TIGD2: variants seen among roughly 807,000 people sequenced by gnomAD.
TIGD2 encodes tigger transposable element derived 2.
In TIGD2, 14 loss-of-function variants were observed where a neutral mutation model predicts 27.0. That is an observed-to-expected ratio of 0.52 (90% CI 0.34 to 0.81). The LOEUF (loss-of-function observed/expected upper bound fraction) is 0.81, where lower values mean the gene tolerates loss of function less well. Among genes scored for constraint, TIGD2 ranks in the 30% least tolerant of loss-of-function variants. The pLI, the probability that TIGD2 is intolerant of heterozygous loss-of-function variation, is 0.01. For synonymous variants in TIGD2, 201 were observed against 209.0 expected (o/e 0.96, Z 0.33); for missense variants, 590 against 617.3 (o/e 0.96, Z 0.47).
In TIGD2 at chr4:89,112,886, T is replaced by C. The variant is rs1270305538; in HGVS notation, c.-89T>C. On this transcript the variant is annotated 5_prime_UTR_variant, in exon 2 of 2. Coordinates refer to ENST00000603357, the MANE Select transcript of TIGD2 (RefSeq NM_145715.3). ...GCCCTAGAAGTGAGAGGAGGAATCT[T>C]ACGAACTCATTTTCTAGTTGCTTTG... 1.7e-6 allele frequency: 2 copies of C among 1,198,198 alleles called. No individual in the cohort carries two copies. Among genetic ancestry groups the C allele is most frequent in the Non-Finnish European group, 2.3e-6 (2 of 853,480 alleles). 74.2% of individuals were successfully genotyped at this position (1,198,198 alleles called of 1,614,324 possible). A position where few individuals can be genotyped will look rare whatever the true frequency, so the allele number is the denominator to read the frequency against.
In TIGD2 at chr4:89,113,732, A is replaced by T; in HGVS notation, c.758A>T (p.Lys253Ile). 1 of 1,614,242 alleles carries T rather than the reference A, an allele frequency of 6.2e-7. No homozygotes were observed. Reference sequence around the variant, plus strand: ...CTTCCTGTGACATATTACAGTCAAAAAGGTGCATGGATAGAACAGTCTGTT... The same window carrying T: ...CTTCCTGTGACATATTACAGTCAAATAGGTGCATGGATAGAACAGTCTGTT... ...SNLPVTYYSQ[K>I]GAWIEQSVFR... Residue 253 changes from lysine to isoleucine, a missense_variant, in exon 2 of 2, where the codon AAA (lysine) becomes ATA (isoleucine). By Grantham distance (102) the Lys-to-Ile change is moderately radical (BLOSUM62 -3). This residue lies in a region of TIGD2 where 451 missense variants were observed against 448.0 expected (regional missense o/e 1.01). Transcript: ENST00000603357.
Position 89,112,971 on chromosome 4 carries a change from T to C in TIGD2, c.-4T>C. 6.4e-7 allele frequency: 1 copy of C among 1,553,078 alleles called. No homozygotes were observed. The highest frequency in any genetic ancestry group is 8.7e-7 in the Non-Finnish European group (1 of 1,153,512). On this transcript the variant is annotated 5_prime_UTR_variant, in exon 2 of 2. Coordinates refer to ENST00000603357, the MANE Select transcript of TIGD2 (RefSeq NM_145715.3). ...GTAATCACCTAAAATATTAGACACT[T>C]AAAATGTTGGGGAAACGTAAGCGTG...
rs757441263 is a variant in TIGD2 at position 89,114,276 on chromosome 4, T to TC, written c.1303dup (p.Arg435ProfsTer4). ...AGAATATTGATCAGTGGTTCGACTC[T>TC]CGGAGCAGTGACTCAAGCTGTCAGG... is the stretch of plus-strand genomic sequence containing the variant. On this transcript the variant is annotated frameshift_variant, in exon 2 of 2. Transcript: ENST00000603357. LOFTEE classifies it high-confidence loss of function. 6.2e-7 allele frequency: 1 copy of TC among 1,614,096 alleles called. No homozygotes were observed.
Position 89,114,666 on chromosome 4 carries a change from G to T in TIGD2, c.*114G>T. 2 of 1,107,954 alleles carry T rather than the reference G, an allele frequency of 1.8e-6. No individual in the cohort carries two copies. The highest frequency in any genetic ancestry group is 1.6e-5 in the African/African-American group (1 of 63,366). 68.6% of individuals were successfully genotyped at this position (1,107,954 alleles called of 1,614,324 possible). On this transcript the variant is annotated 3_prime_UTR_variant, in exon 2 of 2. Coordinates refer to ENST00000603357, the MANE Select transcript of TIGD2 (RefSeq NM_145715.3). ...CCAAATACATTTTATAAATGATTTT[G>T]GAATTAGATGTCAGTTTGGATTACT... is the stretch of plus-strand genomic sequence containing the variant.
Position 89,113,498 on chromosome 4 carries a change from G to T in TIGD2, c.524G>T (p.Gly175Val), listed in dbSNP as rs1342357726. Residue 175 changes from glycine to valine, a missense_variant, in exon 2 of 2, where the codon GGT (glycine) becomes GTT (valine). By Grantham distance (109) the Gly-to-Val change is moderately radical. This residue lies in a region of TIGD2 where 451 missense variants were observed against 448.0 expected (regional missense o/e 1.01). Coordinates refer to ENST00000603357, the MANE Select transcript of TIGD2 (RefSeq NM_145715.3). ...KENLQPEQIYGADQTGLFWKC... is the reference protein window; with the variant it reads ...KENLQPEQIYVADQTGLFWKC... Reference sequence around the variant, plus strand: ...AATCTACAACCAGAGCAAATTTATGGTGCTGATCAAACTGGATTGTTTTGG... The same window carrying T: ...AATCTACAACCAGAGCAAATTTATGTTGCTGATCAAACTGGATTGTTTTGG... 1 of 1,613,954 alleles carries T rather than the reference G, an allele frequency of 6.2e-7. No individual in the cohort carries two copies. Among genetic ancestry groups the T allele is most frequent in the South Asian group, 1.1e-5 (1 of 91,076 alleles).
chr4:89,112,856 T>G lies in TIGD2; in HGVS notation c.-119T>G. On this transcript the variant is annotated 5_prime_UTR_variant, in exon 2 of 2. Coordinates refer to ENST00000603357, the MANE Select transcript of TIGD2 (RefSeq NM_145715.3). Reference sequence around the variant, plus strand: ...TTGTCAGGAAATTGGTCACTATCCATCTAGGCCCTAGAAGTGAGAGGAGGA... The same window carrying G: ...TTGTCAGGAAATTGGTCACTATCCAGCTAGGCCCTAGAAGTGAGAGGAGGA... The G allele has an allele frequency of 1.2e-6, 1 of 868,318 alleles. No individual in the cohort carries two copies. The allele number at this position is 868,318 out of a possible 1,614,324, so 53.8% of individuals were successfully genotyped here. A position where few individuals can be genotyped will look rare whatever the true frequency, so the allele number is the denominator to read the frequency against.
Position 89,112,948 on chromosome 4 carries a change from A to C in TIGD2, c.-27A>C, listed in dbSNP as rs1421146693. 6.6e-7 allele frequency: 1 copy of C among 1,506,514 alleles called. No homozygotes were observed. Among genetic ancestry groups the C allele is most frequent in the Non-Finnish European group, 8.9e-7 (1 of 1,121,944 alleles). 93.3% of individuals were successfully genotyped at this position (1,506,514 alleles called of 1,614,324 possible). ...TAGTTGTTAATTATCTTGTTCTAGT[A>C]ATCACCTAAAATATTAGACACTTAA... is the stretch of plus-strand genomic sequence containing the variant. On this transcript the variant is annotated 5_prime_UTR_variant, in exon 2 of 2. Coordinates refer to ENST00000603357, the MANE Select transcript of TIGD2 (RefSeq NM_145715.3).
Position 89,114,577 on chromosome 4 carries a change from A to G in TIGD2, c.*25A>G. 6.5e-7 allele frequency: 1 copy of G among 1,541,150 alleles called. No homozygotes were observed. The highest frequency in any genetic ancestry group is 8.8e-7 in the Non-Finnish European group (1 of 1,142,310). ...ATAAGGCTCTTAAGTATTTCAGTGT[A>G]TCTGCATCTTTGTGACTATCTGCAG... On this transcript the variant is annotated 3_prime_UTR_variant, in exon 2 of 2. Transcript: ENST00000603357.
At position 89,113,795 on chromosome 4, in the gene TIGD2, T is replaced by A. The variant is rs1269495927; in HGVS notation, c.821T>A (p.Val274Glu). ...QWFEKYFVPQ[V>E]QKHLKSKGLL... ...TTTGAAAAGTACTTTGTGCCACAGG[T>A]ACAGAAGCATTTGAAATCCAAGGGA... Residue 274 changes from valine to glutamate, a missense_variant, in exon 2 of 2, where the codon GTA becomes GAA. By Grantham distance (121) the Val-to-Glu change is moderately radical (BLOSUM62 -2). This residue lies in a region of TIGD2 where 451 missense variants were observed against 448.0 expected (regional missense o/e 1.01). Transcript: ENST00000603357. 2 of 1,614,180 alleles carry A rather than the reference T, an allele frequency of 1.2e-6. No individual in the cohort carries two copies. Among genetic ancestry groups the A allele is most frequent in the South Asian group, 2.2e-5 (2 of 91,076 alleles).
chr4:89,114,779 A>T lies in TIGD2; in HGVS notation c.*227A>T. 2.3e-6 allele frequency: 1 copy of T among 439,586 alleles called. No individual in the cohort carries two copies. Among genetic ancestry groups the T allele is most frequent in the Non-Finnish European group, 4.1e-6 (1 of 242,830 alleles). 27.2% of individuals were successfully genotyped at this position (439,586 alleles called of 1,614,324 possible). The stretch of plus-strand genomic sequence containing the variant: ...ACTGTTTCTAATATCTATTAATTAG[A>T]TCATAAGGTACCTGAGGCCAGGGAT... On this transcript the variant is annotated 3_prime_UTR_variant, in exon 2 of 2. Transcript: ENST00000603357.
At position 89,113,636 on chromosome 4, in the gene TIGD2, A is replaced by G; in HGVS notation, c.662A>G (p.His221Arg). The G allele has an allele frequency of 4.3e-6, 7 of 1,614,206 alleles. No individual in the cohort carries two copies. Among genetic ancestry groups the G allele is most frequent in the Non-Finnish European group, 5.1e-6 (6 of 1,180,042 alleles). Residue 221 changes from histidine to arginine, a missense_variant, in exon 2 of 2, where the codon CAC becomes CGC. Physicochemically the swap from His to Arg is conservative, Grantham distance 29. Coordinates refer to ENST00000603357, the MANE Select transcript of TIGD2 (RefSeq NM_145715.3). ...IMCCANATGL[H>R]KLNLCVVGKA... ...TGTTGCGCAAATGCCACAGGTTTAC[A>G]CAAACTTAATCTTTGTGTTGTGGGG...
At position 89,113,729 on chromosome 4, in the gene TIGD2, A is replaced by T; in HGVS notation, c.755A>T (p.Gln252Leu). Reference protein sequence around the residue: ...LSNLPVTYYSQKGAWIEQSVF... With the variant: ...LSNLPVTYYSLKGAWIEQSVF... Reference sequence around the variant, plus strand: ...AACCTTCCTGTGACATATTACAGTCAAAAAGGTGCATGGATAGAACAGTCT... The same window carrying T: ...AACCTTCCTGTGACATATTACAGTCTAAAAGGTGCATGGATAGAACAGTCT... The change falls in exon 2 of 2, where the codon CAA becomes CTA. Residue 252 changes from glutamine to leucine, a missense_variant. This residue lies in a region of TIGD2 where 451 missense variants were observed against 448.0 expected (regional missense o/e 1.01). Transcript: ENST00000603357. 6.2e-7 allele frequency: 1 copy of T among 1,614,218 alleles called. No homozygotes were observed. The highest frequency in any genetic ancestry group is 1.1e-5 in the South Asian group (1 of 91,086).
rs1721173832 is a variant in TIGD2, at chr4:89,114,408, T to C, written c.1434T>C (p.His478=). 3.7e-6 allele frequency: 6 copies of C among 1,614,084 alleles called. No homozygotes were observed. The highest frequency in any genetic ancestry group is 5.1e-6 in the Non-Finnish European group (6 of 1,180,022). The part of the protein sequence containing the change: ...TELNPEKHIS[H]KAALEWTENL... ...TGAATCCAGAGAAGCATATTAGCCA[T>C]AAAGCGGCACTTGAATGGACTGAAA... Residue 478 remains histidine (H), a synonymous_variant, in exon 2 of 2, where the codon CAT becomes CAC. Coordinates refer to ENST00000603357, the MANE Select transcript of TIGD2 (RefSeq NM_145715.3).
Position 89,113,470 on chromosome 4 carries a change from G to C in TIGD2, c.496G>C (p.Glu166Gln), listed in dbSNP as rs769467489. The C allele has an allele frequency of 1.9e-6, 3 of 1,614,000 alleles. No homozygotes were observed. In the Admixed American group the frequency reaches 5.0e-5, roughly 27 times the overall value. The change falls in exon 2 of 2, where the codon GAG becomes CAG. Residue 166 changes from glutamate (E) to glutamine (Q), a missense_variant. By Grantham distance (29) the Glu-to-Gln change is conservative. This residue lies in a region of TIGD2 where 451 missense variants were observed against 448.0 expected (regional missense o/e 1.01). Transcript: ENST00000603357. ...CGSFQEFVEK[E>Q]NLQPEQIYGA... ...TAGCTTTCAGGAATTTGTTGAAAAAGAGAATCTACAACCAGAGCAAATTTA... is the reference window on the plus strand; with the variant it reads ...TAGCTTTCAGGAATTTGTTGAAAAACAGAATCTACAACCAGAGCAAATTTA...
chr4:89,113,198 C>T lies in TIGD2; in HGVS notation c.224C>T (p.Thr75Ile), dbSNP rs1238251209. ...AAACGTAAATCTATGAAGTCATCAA[C>T]ATACGAGGAGCTTGATAGAGTTATG... ...VSKRKSMKSS[T>I]YEELDRVMIE... is the part of the protein sequence containing the mutation. The change falls in exon 2 of 2, where the codon ACA becomes ATA. Residue 75 changes from threonine (T) to isoleucine (I), a missense_variant. By Grantham distance (89) the Thr-to-Ile change is moderately conservative. Around this residue, in one of 3 missense-constraint regions of TIGD2, gnomAD observed 47 missense variants for 79.7 expected, o/e 0.59. Coordinates refer to ENST00000603357, the MANE Select transcript of TIGD2 (RefSeq NM_145715.3). 1 of 1,613,946 alleles carries T rather than the reference C, an allele frequency of 6.2e-7. No individual in the cohort carries two copies. The highest frequency in any genetic ancestry group is 8.5e-7 in the Non-Finnish European group (1 of 1,180,006).
Position 89,114,136 on chromosome 4 carries a change from C to A in TIGD2, c.1162C>A (p.Leu388Ile). The change falls in exon 2 of 2, where the codon CTT becomes ATT. Residue 388 changes from leucine (L) to isoleucine (I), a missense_variant. Transcript: ENST00000603357. ...TACCATAACCAAAGCATGGAAAAAA[C>A]TTTTCCCTGGCAATGAAGAGAATTC... ...SSTITKAWKK[L>I]FPGNEENSGM... 6.2e-7 allele frequency: 1 copy of A among 1,614,098 alleles called. No individual in the cohort carries two copies. The highest frequency in any genetic ancestry group is 8.5e-7 in the Non-Finnish European group (1 of 1,179,974).
At chr4:89,111,227 G>T (rs989472741), upstream of TIGD2, 5 of 984,762 alleles carry the variant, frequency 5.1e-6, no homozygotes, top group Middle Eastern at 5.2e-4. Context: ...CCCAGCACTG[G>T]GGGGGTGAGA....
At chr4:89,111,283 C>T, upstream of TIGD2, 1 of 924,282 alleles carries the variant, frequency 1.1e-6, no homozygotes, top group Non-Finnish European at 1.3e-6. Context: ...TCGGCAGAGC[C>T]GGGCCACTGG....
chr4:89,114,853 A>G lies in TIGD2; in HGVS notation c.*301A>G. ...TGGCGTGTCTAATAAAGGCCCATGCACACTATAGGCACTCAATAAAACTTA... is the reference window on the plus strand; with the variant it reads ...TGGCGTGTCTAATAAAGGCCCATGCGCACTATAGGCACTCAATAAAACTTA... On this transcript the variant is annotated 3_prime_UTR_variant, in exon 2 of 2. Transcript: ENST00000603357. 1 of 259,162 alleles carries G rather than the reference A, an allele frequency of 3.9e-6. No individual in the cohort carries two copies. 16.1% of individuals were successfully genotyped at this position (259,162 alleles called of 1,614,324 possible). A position where few individuals can be genotyped will look rare whatever the true frequency, so the allele number is the denominator to read the frequency against.
Sources: allele counts gnomAD v4.1 joint callset, GRCh38; gene constraint gnomAD v4.1.1; regional missense constraint gnomAD v4.1.1; transcripts MANE v1.5; gene names NCBI Gene and HGNC (gene_info 2026-07-23, HGNC 2026-07-21).